The following RARB variants were observed in gnomAD, a reference collection of about 807,000 sequenced individuals.
The protein encoded by RARB is HBV-activated protein.
RARB carries 17 observed loss-of-function variants against 51.9 expected under a neutral mutation model. The ratio of observed to expected loss-of-function variants is 0.33; its 90% confidence interval spans 0.22 to 0.49. RARB has a LOEUF of 0.49. RARB is among the 20% of genes least tolerant of loss of function. RARB has a pLI of 0.99. For missense variants in RARB, 369 were observed against 550.8 expected, an observed-to-expected ratio of 0.67 and a Z score of 3.30; for synonymous variants, 215 against 195.4, an observed-to-expected ratio of 1.10 and a Z score of -0.84.
intron 5 of RARB, among the ~76,000 whole-genome samples, chr3:25,179,929 C>A (rs934539966): frequency 2.0e-5 from 3 of 152,140 alleles, no homozygotes; most frequent in East Asian, 3.9e-4. Context: ...TTTGCACCAA[C>A]CTAATAATCC....
At chr3:25,222,703 T>C (rs1314655469) in intron 5 of RARB, among the ~76,000 whole-genome samples, 1 of 152,242 alleles carries the variant, frequency 6.6e-6, no homozygotes, top group East Asian at 1.9e-4. Flanking sequence ...TCTAATTTTT[T>C]ATGTAGATCC....
chr3:25,498,194 T>G, intron 2 of RARB, among the ~76,000 whole-genome samples: 1 of 152,116 alleles, frequency 6.6e-6, no homozygotes, highest in South Asian at 2.1e-4. Flanking sequence ...GTGTCAAAAA[T>G]AGAAGGAGGA....
At chr3:25,115,838 C>T (rs73047769) in intron 3 of RARB, among the ~76,000 whole-genome samples, 2,461 of 152,020 alleles carry the variant, frequency 0.016, 32 homozygotes, top group African/African-American at 0.037. Context: ...GCTATGTTGC[C>T]GAGGCTGATC....
At chr3:24,922,427 G>C (rs1695234901) in intron 2 of RARB, among the ~76,000 whole-genome samples, 1 of 152,180 alleles carries the variant, frequency 6.6e-6, no homozygotes, top group Admixed American at 6.5e-5. Context: ...GAATTGTGCT[G>C]AGCATGTATC....
intron 3 of RARB, among the ~76,000 whole-genome samples, chr3:25,539,142 A>C (rs948492868): frequency 1.3e-5 from 2 of 152,204 alleles, no homozygotes; most frequent in Admixed American, 1.3e-4. Flanking sequence ...TTTCCAAAAC[A>C]GTTGAAAGAT....
intron 2 of RARB, among the ~76,000 whole-genome samples, chr3:24,946,208 G>A (rs1695769875): frequency 6.8e-6 from 1 of 148,036 alleles, no homozygotes; most frequent in African/African-American, 2.5e-5. Context: ...AGCTTGCAGT[G>A]AGCCGAGGTC....
intron 3 of RARB, among the ~76,000 whole-genome samples, chr3:25,556,843 C>T (rs1263573775): frequency 1.2e-4 from 18 of 152,182 alleles, no homozygotes; most frequent in Admixed American, 1.2e-3. Context: ...TCACACACCA[C>T]AGCCCTAATT....
chr3:25,507,051 C>T (rs920955620), intron 3 of RARB, among the ~76,000 whole-genome samples: 2 of 152,248 alleles, frequency 1.3e-5, no homozygotes, highest in Non-Finnish European at 2.9e-5. Context: ...ATTCATTCTT[C>T]CCTCCCCAAC....
intron 3 of RARB, among the ~76,000 whole-genome samples, chr3:25,121,529 C>T (rs1481064850): frequency 6.6e-6 from 1 of 152,114 alleles, no homozygotes; most frequent in Admixed American, 6.6e-5. Context: ...ACGTTTTCAC[C>T]TCTGTTGAAA....
Position 25,057,566 on chromosome 3 carries a change from T to G in RARB, c.-379-2559T>G, listed in dbSNP as rs79049802. Among the ~76,000 whole-genome samples the G allele has an allele frequency of 7.5e-3, 1,148 of 152,146 alleles. 17 individuals carry two copies. The highest frequency in any genetic ancestry group is 0.027 in the African/African-American group (1,115 of 41,542). On this transcript the variant is annotated intron_variant, in intron 2 of 11. Coordinates refer to the RARB transcript ENST00000383772. ...GCTAATTGAGTAACTTTGAATCCAATTTTTGCTTTGAAAGACTTGGCATAG... is the reference window on the plus strand; with the variant it reads ...GCTAATTGAGTAACTTTGAATCCAAGTTTTGCTTTGAAAGACTTGGCATAG...
intron 1 of RARB, among the ~76,000 whole-genome samples, chr3:25,434,954 CT>C (rs1356770352): frequency 3.9e-5 from 6 of 152,184 alleles, no homozygotes; most frequent in Non-Finnish European, 8.8e-5. Flanking sequence ...TTTTCCTCCC[CT>C]TTTTCCTTCT....
chr3:25,432,483 A>AC (rs1708249020), intron 1 of RARB, among the ~76,000 whole-genome samples: 1 of 152,190 alleles, frequency 6.6e-6, no homozygotes, highest in Admixed American at 6.5e-5. Flanking sequence ...TAGATAAATG[A>AC]CCAGAATGGC....
intron 5 of RARB, among the ~76,000 whole-genome samples, chr3:25,369,874 A>G (rs893592010): frequency 2.0e-5 from 3 of 152,146 alleles, no homozygotes; most frequent in Admixed American, 6.5e-5. Context: ...GTGAGCCAAG[A>G]TCGTGCCATT....
At chr3:25,326,200 T>C (rs764904050) in intron 5 of RARB, among the ~76,000 whole-genome samples, 17 of 152,312 alleles carry the variant, frequency 1.1e-4, no homozygotes, top group Middle Eastern at 3.4e-3. Context: ...CTCCCTAAAA[T>C]TCTGAGGGGC....
Position 25,091,525 on chromosome 3 carries a change from C to T in RARB, c.-328+31349C>T, listed in dbSNP as rs148039191. Among the ~76,000 whole-genome samples, 16 of 152,264 alleles carry T rather than the reference C, an allele frequency of 1.1e-4. No individual in the cohort carries two copies. The East Asian group carries it at 1.4e-3, about 13-fold the overall frequency. On this transcript the variant is annotated intron_variant, in intron 3 of 11. Transcript: ENST00000383772. Reference sequence around the variant, plus strand: ...CTTCTACGGAATCCACCATCTGTTTCACATGGGGTAGATATAAATTTTATA... The same window carrying T: ...CTTCTACGGAATCCACCATCTGTTTTACATGGGGTAGATATAAATTTTATA...
intron 5 of RARB, among the ~76,000 whole-genome samples, chr3:25,241,385 A>G (rs893709072): frequency 2.0e-5 from 3 of 152,086 alleles, no homozygotes; most frequent in Admixed American, 1.3e-4. Context: ...ACGTAGGTAT[A>G]CATGGAACCA....
chr3:25,257,385 G>T (rs957240433), intron 5 of RARB, among the ~76,000 whole-genome samples: 9 of 151,974 alleles, frequency 5.9e-5, no homozygotes, highest in Non-Finnish European at 7.4e-5. Flanking sequence ...AGGGCATTTA[G>T]CCTAGAGAAG....
chr3:25,183,587 C>A (rs1700911484), intron 5 of RARB, among the ~76,000 whole-genome samples: 1 of 152,142 alleles, frequency 6.6e-6, no homozygotes, highest in Non-Finnish European at 1.5e-5. Flanking sequence ...GTTTCAGTCA[C>A]CGAGGGATTA....
At chr3:25,257,886 C>A (rs536130092) in intron 5 of RARB, among the ~76,000 whole-genome samples, 1 of 152,142 alleles carries the variant, frequency 6.6e-6, no homozygotes, top group African/African-American at 2.4e-5. Context: ...CAACCTTTCT[C>A]ATCAAAGCAC....
Sources: allele counts gnomAD v4.1 joint callset (sites outside exome capture counted in the v4.1 genomes callset), GRCh38; gene constraint gnomAD v4.1.1; transcripts MANE v1.5; gene names NCBI Gene and HGNC (gene_info 2026-07-23, HGNC 2026-07-21).